Variants in EPS8L1 observed in about 807,000 individuals in gnomAD.
EPS8L1 encodes EPS8 signaling adaptor L1, also known as epidermal growth factor receptor kinase substrate 8-like protein 1.
EPS8L1 carries 101 observed loss-of-function variants against 91.7 expected under a neutral mutation model. That is an observed-to-expected ratio of 1.10 (90% CI 0.94 to 1.30). EPS8L1 has a LOEUF of 1.30. Ranked by LOEUF, EPS8L1 falls within the 50% of genes most tolerant of loss-of-function variation. EPS8L1 has a pLI of 0.00. For missense variants in EPS8L1, 1,114 were observed against 1,017.0 expected (o/e 1.10, Z -1.30); for synonymous variants, 506 against 445.3 (o/e 1.14, Z -1.72).
intron 4 of EPS8L1, 37 bp from the exon 5 acceptor site, chr19:55,079,653 T>C: frequency 6.2e-7 from 1 of 1,600,614 alleles, no homozygotes; most frequent in Non-Finnish European, 8.5e-7. Context: ...CCTGGCATCA[T>C]CTTGGGCCTC....
At chr19:55,087,263 C>T (rs1218818703) in intron 18 of EPS8L1, 40 bp from the exon 19 acceptor site, 13 of 1,558,834 alleles carry the variant, frequency 8.3e-6, no homozygotes, top group Middle Eastern at 2.3e-4. Flanking sequence ...CTGGGGCATC[C>T]GCCGACCGGC....
intron 2 of EPS8L1, 67 bp from the exon 3 acceptor site, chr19:55,078,021 T>C (rs2147125942): frequency 6.6e-7 from 1 of 1,505,396 alleles, no homozygotes; most frequent in East Asian, 2.3e-5. Context: ...CTTGCTGCCC[T>C]GCTTGGCATT....
chr19:55,075,991 G>T, intron 1 of EPS8L1, 72 bp downstream of exon 1: 1 of 167,552 alleles, frequency 6.0e-6, no homozygotes. Context: ...GGGGGACTGG[G>T]GTCTGGACTC....
At position 55,087,769 on chromosome 19, in the gene EPS8L1, G is replaced by A. The variant is rs2076368813; in HGVS notation, c.*155G>A. ...CCGGTGGACAGACTTAACGATCCTT[G>A]CTGCAGTCCCTCCGGAGAGGATCTG... On this transcript the variant is annotated 3_prime_UTR_variant, in exon 20 of 20. Transcript: ENST00000201647. The A allele has an allele frequency of 1.3e-6, 1 of 768,230 alleles. No individual in the cohort carries two copies. The highest frequency in any genetic ancestry group is 2.2e-5 in the Admixed American group (1 of 46,092). The allele number at this position is 768,230 out of a possible 1,614,324, so 47.6% of individuals were successfully genotyped here.
chr19:55,081,176 C>T lies in EPS8L1; in HGVS notation c.513-55C>T. On this transcript the variant is annotated intron_variant, in intron 7 of 19. Coordinates refer to ENST00000201647, the MANE Select transcript of EPS8L1 (RefSeq NM_133180.3). This position sits in a 1 kb window ranked among gnomAD's most constrained non-coding sequence, Gnocchi z 4.9. ...GTCTCGTTCTGCGCCCTGGATTTCC[C>T]CCTCCCTGGACCCCTCAGTGGACCC... is the stretch of plus-strand genomic sequence containing the variant. 6.9e-7 allele frequency: 1 copy of T among 1,458,932 alleles called. No individual in the cohort carries two copies. Among genetic ancestry groups the T allele is most frequent in the Non-Finnish European group, 9.0e-7 (1 of 1,113,360 alleles). 90.4% of individuals were successfully genotyped at this position (1,458,932 alleles called of 1,614,324 possible).
chr19:55,078,996 C>A lies in EPS8L1; in HGVS notation c.59-3C>A. On this transcript the variant is annotated splice_polypyrimidine_tract_variant and splice_region_variant and intron_variant, in intron 3 of 19. Transcript: ENST00000201647. ...CAGGCTCATTCTCTTTCTCCCCTGG[C>A]AGAGCAGAGGAAGCGTTACTCCACA... 6.2e-7 allele frequency: 1 copy of A among 1,613,752 alleles called. No individual in the cohort carries two copies. Among genetic ancestry groups the A allele is most frequent in the Middle Eastern group, 1.7e-4 (1 of 6,054 alleles).
At position 55,087,733 on chromosome 19, in the gene EPS8L1, C is replaced by A. The variant is rs1266699799; in HGVS notation, c.*119C>A. 9 of 1,025,516 alleles carry A rather than the reference C, an allele frequency of 8.8e-6. No individual in the cohort carries two copies. The highest frequency in any genetic ancestry group is 1.3e-5 in the Non-Finnish European group (9 of 674,804). The allele number at this position is 1,025,516 out of a possible 1,614,324, so 63.5% of individuals were successfully genotyped here. A position where few individuals can be genotyped will look rare whatever the true frequency, so the allele number is the denominator to read the frequency against. On this transcript the variant is annotated 3_prime_UTR_variant, in exon 20 of 20. Transcript: ENST00000201647. ...ATGGCCAATCTGCTCCGGCCCTGGT[C>A]TTCCCCCATCCCGGTGGACAGACTT...
chr19:55,077,122 C>T lies in EPS8L1; in HGVS notation c.17+661C>T, dbSNP rs147342648. On this transcript the variant is annotated intron_variant, in intron 2 of 19. Transcript: ENST00000201647. ...CTGATCGCTGAGCTTCTGTTATGTG[C>T]ATGCAAGTGGGGATTCAAGAATTCT... is the stretch of plus-strand genomic sequence containing the variant. 3.5e-3 allele frequency among the ~76,000 whole-genome samples: 525 copies of T among 152,128 alleles called. 6 individuals carry two copies. Among genetic ancestry groups the T allele is most frequent in the African/African-American group, 0.012 (512 of 41,480 alleles).
In EPS8L1 at chr19:55,083,883, T is replaced by C. The variant is rs10439123; in HGVS notation, c.1385+239T>C. The C allele has an allele frequency of 7.6e-3, 5,028 of 663,098 alleles. 172 individuals are homozygous for C. The African/African-American group carries it at 0.081, about 11-fold the overall frequency. The allele number at this position is 663,098 out of a possible 1,614,324, so 41.1% of individuals were successfully genotyped here. ...AGTTGGGAATGGAGACCCGGATTCC[T>C]GGGCCTAAGGGAGGAAGGGGGCTGG... On this transcript the variant is annotated intron_variant, in intron 14 of 19. Transcript: ENST00000201647. This position sits in a 1 kb window ranked among gnomAD's most constrained non-coding sequence, Gnocchi z 4.7.
Position 55,087,440 on chromosome 19 carries a change from GC to G in EPS8L1, c.2085+7del. On this transcript the variant is annotated splice_donor_region_variant and intron_variant, in intron 19 of 19. Transcript: ENST00000201647. ...GTGCAGCGCTCGCTGCTGGAGGTGA[GC>G]CGGACCGCTGGTCCCTGGGTCTGGG... is the stretch of plus-strand genomic sequence containing the variant. 6.2e-7 allele frequency: 1 copy of G among 1,614,188 alleles called. No homozygotes were observed. The highest frequency in any genetic ancestry group is 8.5e-7 in the Non-Finnish European group (1 of 1,180,026).
In EPS8L1 at chr19:55,087,625, G is replaced by T; in HGVS notation, c.*11G>T. 6.2e-7 allele frequency: 1 copy of T among 1,613,820 alleles called. No homozygotes were observed. The highest frequency in any genetic ancestry group is 1.1e-5 in the South Asian group (1 of 90,976). On this transcript the variant is annotated 3_prime_UTR_variant, in exon 20 of 20. Coordinates refer to ENST00000201647, the MANE Select transcript of EPS8L1 (RefSeq NM_133180.3). ...ATGGAGGTCATTTGACCTGCCAGGCGCCCTTCGCAAAGAGTGACGAGGCCC... is the reference window on the plus strand; with the variant it reads ...ATGGAGGTCATTTGACCTGCCAGGCTCCCTTCGCAAAGAGTGACGAGGCCC...
intron 1 of EPS8L1, 65 bp from the exon 2 acceptor site, chr19:55,076,343 A>T (rs945515437): frequency 4.2e-6 from 6 of 1,443,774 alleles, no homozygotes; most frequent in Admixed American, 3.8e-5. Flanking sequence ...GCATTGAGGG[A>T]GGAGGCTGGG....
chr19:55,079,747 TC>T lies in EPS8L1; in HGVS notation c.177del (p.Arg60GlyfsTer51), dbSNP rs747098899. On this transcript the variant is annotated frameshift_variant, in exon 5 of 20. Coordinates refer to ENST00000201647, the MANE Select transcript of EPS8L1 (RefSeq NM_133180.3). LOFTEE classifies it high-confidence loss of function. ...TGGCGTGCATACCGTGGAGGATGCC[TC>T]CAGGAAGTTGGCCGTCATGGATAGC... ...DDGVHTVEDA[S>X]RKLAVMDSQG... 6.2e-7 allele frequency: 1 copy of T among 1,614,126 alleles called. No individual in the cohort carries two copies.
chr19:55,079,470 C>A (rs1341828281), intron 4 of EPS8L1: 2 of 610,454 alleles, frequency 3.3e-6, no homozygotes, highest in African/African-American at 1.9e-5. Flanking sequence ...CCGCAAGGAG[C>A]CTCCAGTCTG....
At position 55,082,218 on chromosome 19, in the gene EPS8L1, C is replaced by T. The variant is rs375677153; in HGVS notation, c.990+38C>T. On this transcript the variant is annotated intron_variant, in intron 10 of 19. Transcript: ENST00000201647. ...CCGCCCCTGGGCCGGGGCGCGGGCACGACGAACCTGTCCCGTCCCCGCACC... is the reference window on the plus strand; with the variant it reads ...CCGCCCCTGGGCCGGGGCGCGGGCATGACGAACCTGTCCCGTCCCCGCACC... 3.1e-6 allele frequency: 5 copies of T among 1,593,092 alleles called. No individual in the cohort carries two copies. The South Asian group carries it at 4.5e-5, about 14-fold the overall frequency.
At chr19:55,082,217 A>C in intron 10 of EPS8L1, 37 bp downstream of exon 10, 1 of 1,592,198 alleles carries the variant, frequency 6.3e-7, no homozygotes, top group Non-Finnish European at 8.6e-7. Context: ...GGGCGCGGGC[A>C]CGACGAACCT....
rs773682776 is a variant in EPS8L1, at chr19:55,086,505, C to T, written c.1764C>T (p.Asp588=). 1 of 1,551,304 alleles carries T rather than the reference C, an allele frequency of 6.4e-7. No individual in the cohort carries two copies. The highest frequency in any genetic ancestry group is 1.2e-5 in the South Asian group (1 of 84,036). Residue 588 remains aspartate, a synonymous_variant, in exon 17 of 20, where the codon GAC becomes GAT. Coordinates refer to ENST00000201647, the MANE Select transcript of EPS8L1 (RefSeq NM_133180.3). ...GCTGCGATAGCCTCAACGGCTTGGA[C>T]CCCAGCGAGAAGGGTGAGTGGTGGG... ...WDSCDSLNGL[D]PSEKEKFSQM...
intron 2 of EPS8L1, among the ~76,000 whole-genome samples, chr19:55,077,459 G>C (rs939816108): frequency 1.9e-4 from 29 of 151,996 alleles, no homozygotes; most frequent in Non-Finnish European, 4.4e-5. Flanking sequence ...AGGCAGGAGA[G>C]ATTAAATCCT....
chr19:55,082,786 A>C (rs2076298141), intron 12 of EPS8L1, among the ~76,000 whole-genome samples, 184 bp downstream of exon 12: 2 of 151,176 alleles, frequency 1.3e-5, no homozygotes, highest in South Asian at 4.2e-4. Context: ...AAAGGCCAGG[A>C]ATTAACGTGA....
Sources: allele counts gnomAD v4.1 joint callset (sites outside exome capture counted in the v4.1 genomes callset), GRCh38; gene constraint gnomAD v4.1.1; non-coding constraint Gnocchi (gnomAD v3.1); transcripts MANE v1.5; gene names NCBI Gene and HGNC (gene_info 2026-07-23, HGNC 2026-07-21).